UPP1: variants seen among roughly 807,000 people sequenced by gnomAD.
The protein encoded by UPP1 is UPase 1.
Under a neutral mutation model 29.6 loss-of-function variants are expected in UPP1, and 25 were observed. The observed-to-expected ratio is 0.85, with a 90% CI of 0.62 to 1.18. UPP1 has a LOEUF of 1.18. Ranked by LOEUF, UPP1 falls within the 50% of genes most tolerant of loss-of-function variation. The pLI is 0.00. For missense variants in UPP1, 368 were observed against 410.4 expected (o/e 0.90, Z 0.89); for synonymous variants, 165 against 159.8 (o/e 1.03, Z -0.25).
At chr7:48,093,041 T>TA (rs930397336) in intron 2 of UPP1, among the ~76,000 whole-genome samples, 34 of 149,952 alleles carry the variant, frequency 2.3e-4, no homozygotes, top group African/African-American at 4.4e-4. Context: ...AGTGTTGAAT[T>TA]AAAAAAAAAA....
chr7:48,101,154 T>C (rs1055976911), intron 4 of UPP1, among the ~76,000 whole-genome samples: 1 of 152,168 alleles, frequency 6.6e-6, no homozygotes, highest in African/African-American at 2.4e-5. Context: ...GTGATCTGCC[T>C]GCCCACTCCC....
At chr7:48,108,181 C>T (rs570498992) in intron 8 of UPP1, 37 bp from the exon 9 acceptor site, 127 of 1,593,312 alleles carry the variant, frequency 8.0e-5, no homozygotes, top group South Asian at 1.5e-4. Flanking sequence ...GTTAGACCCC[C>T]GGCACCTTGC....
intron 2 of UPP1, among the ~76,000 whole-genome samples, chr7:48,091,003 A>T (rs1490496831): frequency 6.6e-6 from 1 of 152,336 alleles, no homozygotes; most frequent in East Asian, 1.9e-4. Context: ...TGATCTTAAA[A>T]TTAACGCAAA....
chr7:48,099,333 A>C (rs1435833879), intron 3 of UPP1, among the ~76,000 whole-genome samples: 1 of 152,232 alleles, frequency 6.6e-6, no homozygotes, highest in African/African-American at 2.4e-5. Flanking sequence ...ACATCGAATG[A>C]ACTTGATTAG....
intron 6 of UPP1, 52 bp from the exon 7 acceptor site, chr7:48,106,821 A>C (rs1269241662): frequency 4.9e-5 from 78 of 1,589,890 alleles, no homozygotes; most frequent in Non-Finnish European, 6.7e-5. Context: ...CCCTGCTTTA[A>C]TTTTATTTTG....
At chr7:48,100,637 G>A (rs1184686607) in intron 4 of UPP1, among the ~76,000 whole-genome samples, 1 of 152,138 alleles carries the variant, frequency 6.6e-6, no homozygotes, top group Non-Finnish European at 1.5e-5. Flanking sequence ...AAGATGAACT[G>A]ACATGTAGAA....
chr7:48,092,191 G>A (rs1791876833), intron 2 of UPP1, among the ~76,000 whole-genome samples: 1 of 152,078 alleles, frequency 6.6e-6, no homozygotes, highest in Non-Finnish European at 1.5e-5. Flanking sequence ...TTTAGGGGAG[G>A]TTGTAAGAGG....
chr7:48,103,660 C>T (rs1792557041), intron 6 of UPP1: 2 of 1,048,106 alleles, frequency 1.9e-6, no homozygotes, highest in Admixed American at 5.2e-5. Context: ...GAAACTCATC[C>T]TTTTGGGGTT....
chr7:48,103,170 A>G (rs1273455147), intron 5 of UPP1, 127 bp from the exon 6 acceptor site: 1 of 671,872 alleles, frequency 1.5e-6, no homozygotes, highest in Non-Finnish European at 2.6e-6. Flanking sequence ...ATTTATATTT[A>G]AAAAGTTTAT....
At position 48,106,914 on chromosome 7, in the gene UPP1, G is replaced by C. The variant is rs751174698; in HGVS notation, c.478G>C (p.Asp160His). ...TGTGGTCATAACAGAGCAGGCAGTG[G>C]ATACCTGCTTCAAGGCAGAGTTTGA... ...GTVVITEQAVDTCFKAEFEQI... is the reference protein window; with the variant it reads ...GTVVITEQAVHTCFKAEFEQI... The change falls in exon 7 of 9, where the codon GAT (aspartate) becomes CAT (histidine). Residue 160 changes from aspartate to histidine, a missense_variant. Physicochemically the swap from Asp to His is moderately conservative, Grantham distance 81 (BLOSUM62 -1). Coordinates refer to ENST00000395564, the MANE Select transcript of UPP1 (RefSeq NM_003364.4). 1 of 1,613,758 alleles carries C rather than the reference G, an allele frequency of 6.2e-7. No individual in the cohort carries two copies. The highest frequency in any genetic ancestry group is 1.1e-5 in the South Asian group (1 of 91,056).
In UPP1 at chr7:48,106,922, C is replaced by T; in HGVS notation, c.486C>T (p.Cys162=). The change falls in exon 7 of 9, where the codon TGC becomes TGT. Residue 162 remains cysteine (C), a synonymous_variant. Coordinates refer to ENST00000395564, the MANE Select transcript of UPP1 (RefSeq NM_003364.4). The stretch of plus-strand genomic sequence containing the variant: ...TAACAGAGCAGGCAGTGGATACCTG[C>T]TTCAAGGCAGAGTTTGAGCAGATTG... The part of the protein sequence containing the change: ...VVITEQAVDT[C]FKAEFEQIVL... 6.2e-7 allele frequency: 1 copy of T among 1,613,704 alleles called. No individual in the cohort carries two copies. Among genetic ancestry groups the T allele is most frequent in the Non-Finnish European group, 8.5e-7 (1 of 1,179,970 alleles).
chr7:48,102,085 T>C, intron 5 of UPP1, 103 bp downstream of exon 5: 2 of 1,319,532 alleles, frequency 1.5e-6, no homozygotes, highest in Non-Finnish European at 2.1e-6. Context: ...ACCTGCTTAC[T>C]GTAAATGGCT....
chr7:48,106,713 C>G (rs1792763605), intron 6 of UPP1, 160 bp from the exon 7 acceptor site: 2 of 638,142 alleles, frequency 3.1e-6, no homozygotes, highest in Non-Finnish European at 5.4e-6. Context: ...AAAAATGGGT[C>G]ACTGTGTATT....
chr7:48,096,247 C>T (rs1180401109), intron 3 of UPP1, among the ~76,000 whole-genome samples: 2 of 152,204 alleles, frequency 1.3e-5, no homozygotes, highest in Non-Finnish European at 2.9e-5. Context: ...AATCATGTTC[C>T]ACTTGCTGAA....
intron 3 of UPP1, 37 bp from the exon 4 acceptor site, chr7:48,099,633 T>A (rs1440144794): frequency 1.4e-6 from 2 of 1,438,398 alleles, no homozygotes; most frequent in Admixed American, 1.7e-5. Flanking sequence ...CGGGCACTGA[T>A]GTTCTATAAG....
chr7:48,097,690 G>A (rs1292302673), intron 3 of UPP1, among the ~76,000 whole-genome samples: 2 of 152,156 alleles, frequency 1.3e-5, no homozygotes, highest in African/African-American at 2.4e-5. Flanking sequence ...TTTGAAGCAT[G>A]ACTCTTAGCC....
At chr7:48,093,837 TG>T (rs1791980091) in intron 2 of UPP1, among the ~76,000 whole-genome samples, 1 of 151,988 alleles carries the variant, frequency 6.6e-6, no homozygotes, top group Non-Finnish European at 1.5e-5. Context: ...CAATTCTTCC[TG>T]GGGAGAAGAG....
At chr7:48,103,268 T>C in intron 5 of UPP1, 29 bp from the exon 6 acceptor site, 3 of 1,584,202 alleles carry the variant, frequency 1.9e-6, no homozygotes, top group Non-Finnish European at 2.6e-6. Flanking sequence ...CAACCTTGGC[T>C]TAACATGGGT....
chr7:48,101,122 G>T (rs901635294), intron 4 of UPP1, among the ~76,000 whole-genome samples: 3 of 152,042 alleles, frequency 2.0e-5, no homozygotes. Context: ...TGGACAGGCT[G>T]GTCTGGAACG....
Sources: gnomAD v4.1 joint callset for allele counts (sites outside exome capture counted in the v4.1 genomes callset) on GRCh38, gnomAD v4.1.1 for gene constraint, MANE v1.5 for transcripts, NCBI Gene and HGNC (gene_info 2026-07-23, HGNC 2026-07-21) for gene names.